Variants in RAB3C observed in about 807,000 individuals in gnomAD.
RAB3C encodes the protein ras-related protein Rab-3C.
RAB3C carries 17 observed loss-of-function variants against 26.4 expected under a neutral mutation model. That is an observed-to-expected ratio of 0.64 (90% CI 0.44 to 0.97). The LOEUF is 0.97. Among genes scored for constraint, RAB3C ranks in the 50% least tolerant of loss-of-function variants. The probability of loss-of-function intolerance (pLI) is 0.00; values close to 1 mark genes in which losing one functional copy is unlikely to be tolerated. For missense variants in RAB3C, 242 were observed against 281.9 expected, an observed-to-expected ratio of 0.86 and a Z score of 1.01; for synonymous variants, 91 against 95.9, an observed-to-expected ratio of 0.95 and a Z score of 0.30.
rs148246006 is a variant in RAB3C, at chr5:58,649,673, G to A, written c.252+31803G>A. Among the ~76,000 whole-genome samples, 4 of 152,064 alleles carry A rather than the reference G, an allele frequency of 2.6e-5. No homozygotes were observed. The East Asian group carries it at 7.7e-4, about 29-fold the overall frequency. On this transcript the variant is annotated intron_variant, in intron 2 of 4. Coordinates refer to ENST00000282878, the MANE Select transcript of RAB3C (RefSeq NM_138453.4). Reference sequence around the variant, plus strand: ...GTCTCTTACTGTCACGCTTCACCAAGCCCGACAAGCTCTTGTCTCTCCCTG... The same window carrying A: ...GTCTCTTACTGTCACGCTTCACCAAACCCGACAAGCTCTTGTCTCTCCCTG...
At chr5:58,731,693 A>G (rs558921415) in intron 3 of RAB3C, among the ~76,000 whole-genome samples, 145 of 152,322 alleles carry the variant, frequency 9.5e-4, no homozygotes, top group African/African-American at 3.4e-3. Flanking sequence ...GAGGTGCTTT[A>G]TGAATAATGC....
At chr5:58,783,932 G>A (rs117652122) in intron 3 of RAB3C, among the ~76,000 whole-genome samples, 1 of 152,284 alleles carries the variant, frequency 6.6e-6, no homozygotes, top group East Asian at 1.9e-4. Flanking sequence ...AGTCCGTTGG[G>A]AGACCCAGAA....
intron 3 of RAB3C, among the ~76,000 whole-genome samples, chr5:58,769,611 T>C (rs12659846): frequency 0.56 from 85,124 of 151,920 alleles, 24,286 homozygotes; most frequent in South Asian, 0.67. Context: ...TGACAGTCTT[T>C]TAGTGTATAA....
intron 3 of RAB3C, among the ~76,000 whole-genome samples, chr5:58,737,397 ATATATAT>A (rs1741166409): frequency 1.9e-3 from 1 of 522 alleles, no homozygotes; most frequent in African/African-American, 6.2e-3. Context: ...CCTATGAAAT[ATATATAT>A]ATATATATAT....
rs181290311 is a variant in RAB3C at position 58,612,041 on chromosome 5, A to T, written c.25-5602A>T. The stretch of plus-strand genomic sequence containing the variant: ...GGTTTGTTGAAGATCAGACAGTTGT[A>T]GGTGTGCGGTCTTATTTCTGGGTTC... On this transcript the variant is annotated intron_variant, in intron 1 of 4. Coordinates refer to ENST00000282878, the MANE Select transcript of RAB3C (RefSeq NM_138453.4). Among the ~76,000 whole-genome samples, 84 of 152,160 alleles carry T rather than the reference A, an allele frequency of 5.5e-4. 1 individual carries two copies. Among genetic ancestry groups the T allele is most frequent in the Admixed American group, 5.2e-3 (80 of 15,278 alleles).
At chr5:58,643,362 T>TA (rs1561276525) in intron 2 of RAB3C, among the ~76,000 whole-genome samples, 1 of 152,268 alleles carries the variant, frequency 6.6e-6, no homozygotes, top group African/African-American at 2.4e-5. Flanking sequence ...ATAAATGACA[T>TA]AAGTATCAGT....
At chr5:58,818,136 G>C (rs1743256986) in intron 3 of RAB3C, among the ~76,000 whole-genome samples, 1 of 152,168 alleles carries the variant, frequency 6.6e-6, no homozygotes, top group Non-Finnish European at 1.5e-5. Flanking sequence ...TTTGTGGACT[G>C]TTTTTCAGAA....
chr5:58,640,910 A>G (rs964630336), intron 2 of RAB3C, among the ~76,000 whole-genome samples: 2 of 152,172 alleles, frequency 1.3e-5, no homozygotes, highest in East Asian at 3.9e-4. Flanking sequence ...TAGTTGAGTT[A>G]CCTTTTTGGT....
chr5:58,813,861 G>A (rs1045786919), intron 3 of RAB3C, among the ~76,000 whole-genome samples: 4 of 96,666 alleles, frequency 4.1e-5, no homozygotes, highest in Non-Finnish European at 8.5e-5. Context: ...GCAAGAATCA[G>A]ATGCATGCCA....
intron 2 of RAB3C, 48 bp from the exon 3 acceptor site, chr5:58,725,954 T>C (rs761933136): frequency 2.7e-6 from 3 of 1,111,460 alleles, no homozygotes; most frequent in South Asian, 3.1e-5. Flanking sequence ...TTCCCAAAAA[T>C]GTATTGCCTT....
intron 2 of RAB3C, among the ~76,000 whole-genome samples, chr5:58,690,906 C>A (rs1023740769): frequency 6.6e-6 from 1 of 151,922 alleles, no homozygotes. Flanking sequence ...ACTAATAAAT[C>A]CAGTTACCAC....
At chr5:58,627,097 A>G (rs911819532) in intron 2 of RAB3C, among the ~76,000 whole-genome samples, 1 of 152,186 alleles carries the variant, frequency 6.6e-6, no homozygotes, top group Non-Finnish European at 1.5e-5. Flanking sequence ...AGGCAAAACC[A>G]TACAGCTTAT....
chr5:58,837,832 T>A (rs983299848), intron 4 of RAB3C, among the ~76,000 whole-genome samples: 1 of 152,198 alleles, frequency 6.6e-6, no homozygotes, highest in African/African-American at 2.4e-5. Context: ...GTGCTGGGAT[T>A]ACAGGCATGA....
chr5:58,589,049 C>G lies in RAB3C; in HGVS notation c.24+5817C>G, dbSNP rs190911880. ...TGAAATTAGCTGTAGGGTTTTGTTACTATGTTTCTTTGTTTTGGTATAGAT... is the reference window on the plus strand; with the variant it reads ...TGAAATTAGCTGTAGGGTTTTGTTAGTATGTTTCTTTGTTTTGGTATAGAT... On this transcript the variant is annotated intron_variant, in intron 1 of 4. Transcript: ENST00000282878. 4.2e-4 allele frequency among the ~76,000 whole-genome samples: 63 copies of G among 151,800 alleles called. No individual in the cohort carries two copies. The East Asian group carries it at 0.012, about 29-fold the overall frequency.
At chr5:58,786,793 G>A (rs567493899) in intron 3 of RAB3C, among the ~76,000 whole-genome samples, 4 of 151,990 alleles carry the variant, frequency 2.6e-5, no homozygotes, top group African/African-American at 4.8e-5. Context: ...ATCTACTTAT[G>A]TGTGAGAAGT....
intron 1 of RAB3C, among the ~76,000 whole-genome samples, chr5:58,607,784 C>T (rs923284328): frequency 6.6e-6 from 1 of 152,150 alleles, no homozygotes; most frequent in Non-Finnish European, 1.5e-5. Context: ...AAAGAATTTT[C>T]ATCCCAGAAT....
chr5:58,747,200 T>A (rs1173235516), intron 3 of RAB3C, among the ~76,000 whole-genome samples: 6 of 152,202 alleles, frequency 3.9e-5, no homozygotes, highest in African/African-American at 1.4e-4. Flanking sequence ...ATTTGAAGGA[T>A]CTTTAATAGA....
At chr5:58,792,955 C>A (rs377059723) in intron 3 of RAB3C, among the ~76,000 whole-genome samples, 3 of 152,142 alleles carry the variant, frequency 2.0e-5, no homozygotes, top group African/African-American at 7.2e-5. Context: ...TGTTTTGATT[C>A]TCATGTTTGC....
intron 2 of RAB3C, among the ~76,000 whole-genome samples, chr5:58,686,326 A>G (rs1286020984): frequency 1.3e-5 from 2 of 152,096 alleles, no homozygotes; most frequent in Admixed American, 6.6e-5. Context: ...TAGATACACT[A>G]GTATCCTTTC....
Sources: gnomAD v4.1 joint callset for allele counts (sites outside exome capture counted in the v4.1 genomes callset) on GRCh38, gnomAD v4.1.1 for gene constraint, MANE v1.5 for transcripts, NCBI Gene and HGNC (gene_info 2026-07-23, HGNC 2026-07-21) for gene names.